Variants in SPSB4 observed in about 807,000 individuals in gnomAD.
SPSB4 encodes the protein splA/ryanodine receptor domain and SOCS box containing 4, also known as SPRY domain-containing SOCS box protein 4.
SPSB4 carries 21 observed loss-of-function variants against 20.9 expected under a neutral mutation model. The observed-to-expected ratio is 1.01, with a 90% CI of 0.71 to 1.45. The LOEUF is 1.45. Ranked by LOEUF, SPSB4 falls within the 40% of genes most tolerant of loss-of-function variation. The pLI, the probability that SPSB4 is intolerant of heterozygous loss-of-function variation, is 0.00. For synonymous variants in SPSB4, 207 were observed against 183.8 expected (o/e 1.13, Z -1.02); for missense variants, 399 against 399.2 (o/e 1.00, Z 0.00).
At chr3:141,096,756 T>A (rs139965415) in intron 2 of SPSB4, among the ~76,000 whole-genome samples, 55 of 152,368 alleles carry the variant, frequency 3.6e-4, no homozygotes, top group Middle Eastern at 3.4e-3. Context: ...ATAATGCTTT[T>A]TTTTGGTAGA....
At chr3:141,067,929 G>T (rs1353915102) in intron 2 of SPSB4, among the ~76,000 whole-genome samples, 1 of 152,200 alleles carries the variant, frequency 6.6e-6, no homozygotes, top group Non-Finnish European at 1.5e-5. Flanking sequence ...TTAGAAATAA[G>T]AAAACTTAAG....
At chr3:141,094,295 A>G (rs934213004) in intron 2 of SPSB4, among the ~76,000 whole-genome samples, 4 of 152,336 alleles carry the variant, frequency 2.6e-5, no homozygotes, top group African/African-American at 9.6e-5. Flanking sequence ...GGGCCGGCTC[A>G]GAGCAGGTGC....
At position 141,066,320 on chromosome 3, in the gene SPSB4, G is replaced by C. The variant is rs756365975; in HGVS notation, c.216G>C (p.Arg72=). 7.6e-6 allele frequency: 12 copies of C among 1,572,246 alleles called. No individual in the cohort carries two copies. The African/African-American group carries it at 1.6e-4, about 21-fold the overall frequency. Residue 72 remains arginine, a synonymous_variant, in exon 2 of 3, where the codon CGG becomes CGC. Transcript: ENST00000310546. The stretch of plus-strand genomic sequence containing the variant: ...ACGTCTTCGTCAAGGACGACGACCG[G>C]CTCACCTTCCACCGGCACCCCGTGG... ...SLNVFVKDDD[R]LTFHRHPVAQ...
intron 2 of SPSB4, among the ~76,000 whole-genome samples, chr3:141,078,618 A>G (rs574012494): frequency 5.9e-5 from 9 of 152,324 alleles, no homozygotes; most frequent in African/African-American, 1.9e-4. Flanking sequence ...TCCTCTCCAA[A>G]GGGACAATGT....
intron 2 of SPSB4, among the ~76,000 whole-genome samples, chr3:141,114,501 T>A (rs1403426982): frequency 6.6e-6 from 1 of 152,184 alleles, no homozygotes; most frequent in African/African-American, 2.4e-5. Context: ...TTCCTCACTG[T>A]GAAGTAACAT....
chr3:141,146,968 A>G (rs930442638), intron 2 of SPSB4, among the ~76,000 whole-genome samples, 174 bp from the exon 3 acceptor site: 1 of 152,142 alleles, frequency 6.6e-6, no homozygotes, highest in East Asian at 1.9e-4. Context: ...AGTCTAATGA[A>G]CACTCCTCTA....
intron 1 of SPSB4, among the ~76,000 whole-genome samples, chr3:141,054,613 T>C (rs1388740040): frequency 6.6e-6 from 1 of 152,188 alleles, no homozygotes; most frequent in Non-Finnish European, 1.5e-5. Context: ...TAGAAGAACT[T>C]TCCTAAGCAG....
At chr3:141,140,610 TG>T (rs1356534459) in intron 2 of SPSB4, among the ~76,000 whole-genome samples, 1 of 152,244 alleles carries the variant, frequency 6.6e-6, no homozygotes, top group Non-Finnish European at 1.5e-5. Flanking sequence ...AGACCCTGTT[TG>T]CCTGGGTATC....
chr3:141,119,790 A>T (rs1938934462), intron 2 of SPSB4, among the ~76,000 whole-genome samples: 2 of 149,858 alleles, frequency 1.3e-5, no homozygotes, highest in Admixed American at 6.7e-5. Context: ...CATCTATTTG[A>T]TTCTTCTCTC....
intron 2 of SPSB4, among the ~76,000 whole-genome samples, chr3:141,125,728 C>T (rs1939040459): frequency 1.3e-5 from 2 of 152,194 alleles, no homozygotes; most frequent in Admixed American, 6.5e-5. Flanking sequence ...CCTCCCTCTG[C>T]TTATATTCAG....
chr3:141,103,654 A>T (rs908094763), intron 2 of SPSB4, among the ~76,000 whole-genome samples: 4 of 152,124 alleles, frequency 2.6e-5, no homozygotes, highest in Non-Finnish European at 5.9e-5. Context: ...AAGGCCAGAG[A>T]CAGGCACACC....
At chr3:141,147,074 T>A (rs2107810307) in intron 2 of SPSB4, 68 bp from the exon 3 acceptor site, 1 of 1,596,198 alleles carries the variant, frequency 6.3e-7, no homozygotes, top group Non-Finnish European at 8.6e-7. Flanking sequence ...CGGTATGCAG[T>A]GGGGGCTGGG....
At chr3:141,094,303 T>G (rs1438064691) in intron 2 of SPSB4, among the ~76,000 whole-genome samples, 4 of 152,194 alleles carry the variant, frequency 2.6e-5, no homozygotes, top group Admixed American at 6.5e-5. Context: ...TCAGAGCAGG[T>G]GCATGGGAAC....
At chr3:141,099,579 G>A (rs1452438384) in intron 2 of SPSB4, among the ~76,000 whole-genome samples, 3 of 152,210 alleles carry the variant, frequency 2.0e-5, no homozygotes, top group African/African-American at 7.2e-5. Context: ...CATTGCTGAT[G>A]CTGAATGCCA....
At chr3:141,104,852 T>G (rs1576532409) in intron 2 of SPSB4, among the ~76,000 whole-genome samples, 1 of 152,172 alleles carries the variant, frequency 6.6e-6, no homozygotes, top group East Asian at 1.9e-4. Flanking sequence ...GCCGTTAGAG[T>G]TGAGGAGGTT....
At chr3:141,064,378 C>T (rs1937823015) in intron 1 of SPSB4, among the ~76,000 whole-genome samples, 1 of 152,210 alleles carries the variant, frequency 6.6e-6, no homozygotes, top group Admixed American at 6.5e-5. Flanking sequence ...CTTTATTCTG[C>T]TATCTTAAAA....
In SPSB4 at chr3:141,066,147, C is replaced by A. The variant is rs1449352418; in HGVS notation, c.43C>A (p.Arg15=). The stretch of plus-strand genomic sequence containing the variant: ...GGGGAGCCTCAAGTCAGTGGAGGTG[C>A]GAGAGCCGGCGCTGCGGCCGGCCAA... The part of the protein sequence containing the change: ...LSGSLKSVEV[R]EPALRPAKRE... Residue 15 remains arginine, a synonymous_variant, in exon 2 of 3, where the codon CGA becomes AGA. Transcript: ENST00000310546. The A allele has an allele frequency of 1.3e-6, 2 of 1,532,158 alleles. No individual in the cohort carries two copies. The highest frequency in any genetic ancestry group is 2.0e-5 in the Admixed American group (1 of 49,530). 94.9% of individuals were successfully genotyped at this position (1,532,158 alleles called of 1,614,324 possible). A position where few individuals can be genotyped will look rare whatever the true frequency, so the allele number is the denominator to read the frequency against.
At chr3:141,097,156 C>T (rs1211816404) in intron 2 of SPSB4, among the ~76,000 whole-genome samples, 3 of 152,234 alleles carry the variant, frequency 2.0e-5, no homozygotes, top group Non-Finnish European at 2.9e-5. Context: ...AGCTCCCAGC[C>T]GCCATGTGAC....
intron 1 of SPSB4, among the ~76,000 whole-genome samples, chr3:141,052,348 A>T (rs1936108970): frequency 1.3e-5 from 2 of 152,306 alleles, no homozygotes; most frequent in South Asian, 4.1e-4. Context: ...CATCCGTAGG[A>T]TGGGAATGAT....
Sources: allele counts gnomAD v4.1 joint callset (sites outside exome capture counted in the v4.1 genomes callset), GRCh38; gene constraint gnomAD v4.1.1; transcripts MANE v1.5; gene names NCBI Gene and HGNC (gene_info 2026-07-23, HGNC 2026-07-21).